SGCD: variants seen among roughly 807,000 people sequenced by gnomAD.
The protein encoded by SGCD is delta-sarcoglycan.
SGCD carries 18 observed loss-of-function variants against 36.6 expected under a neutral mutation model. That is an observed-to-expected ratio of 0.49 (90% CI 0.34 to 0.73). SGCD has a LOEUF of 0.73. Ranked by LOEUF, SGCD falls within the 30% of genes least tolerant of loss-of-function variation. The pLI is 0.01. For missense variants in SGCD, 387 were observed against 346.7 expected, an observed-to-expected ratio of 1.12 and a Z score of -0.92; for synonymous variants, 133 against 130.6, an observed-to-expected ratio of 1.02 and a Z score of -0.12.
the SGCD span, among the ~76,000 whole-genome samples, chr5:155,862,932 C>A: frequency 6.6e-6 from 1 of 152,174 alleles, no homozygotes; most frequent in Admixed American, 6.5e-5. Flanking sequence ...ACAAAGACTG[C>A]TTTAAACACT....
chr5:156,664,834 A>T (rs1764076485), intron 7 of SGCD, among the ~76,000 whole-genome samples: 1 of 137,322 alleles, frequency 7.3e-6, no homozygotes, highest in Middle Eastern at 3.3e-3. Flanking sequence ...ATCTTTTAGC[A>T]TTTTTATCGA....
chr5:156,335,812 T>C (rs897123988), intron 2 of SGCD, among the ~76,000 whole-genome samples: 6 of 152,188 alleles, frequency 3.9e-5, no homozygotes, highest in African/African-American at 7.2e-5. Flanking sequence ...TTAGCTCTGC[T>C]TTCCCACAAG....
chr5:155,920,920 A>C (rs1359867119), intron 1 of SGCD, among the ~76,000 whole-genome samples: 2 of 152,142 alleles, frequency 1.3e-5, no homozygotes, highest in African/African-American at 4.8e-5. Flanking sequence ...TCTAGGAGGC[A>C]TTTTACACTT....
chr5:156,649,562 G>A (rs1235158366), intron 7 of SGCD, among the ~76,000 whole-genome samples: 3 of 152,044 alleles, frequency 2.0e-5, no homozygotes. Flanking sequence ...TCCTTTGTAG[G>A]GACATGGATG....
At chr5:156,513,236 GT>G (rs1561746936) in intron 4 of SGCD, among the ~76,000 whole-genome samples, 1 of 152,186 alleles carries the variant, frequency 6.6e-6, no homozygotes, top group African/African-American at 2.4e-5. Context: ...AGAAACTGGG[GT>G]TCTGGTATTA....
At chr5:156,577,726 T>C (rs933117884) in intron 4 of SGCD, among the ~76,000 whole-genome samples, 2 of 152,226 alleles carry the variant, frequency 1.3e-5, no homozygotes, top group Non-Finnish European at 2.9e-5. Context: ...TTGTCTATTA[T>C]TGGTGTATAG....
intron 3 of SGCD, among the ~76,000 whole-genome samples, chr5:156,232,551 G>T (rs1269819701): frequency 6.6e-6 from 1 of 152,116 alleles, no homozygotes; most frequent in Admixed American, 6.5e-5. Flanking sequence ...GAAACTAATG[G>T]TAATAACCTG....
At chr5:156,735,324 C>T (rs1475031318) in intron 7 of SGCD, among the ~76,000 whole-genome samples, 1 of 152,038 alleles carries the variant, frequency 6.6e-6, no homozygotes, top group Non-Finnish European at 1.5e-5. Flanking sequence ...TCTCCAAAGC[C>T]CAAAGGCTGG....
At chr5:156,613,822 C>T (rs1227451272) in intron 6 of SGCD, among the ~76,000 whole-genome samples, 1 of 152,220 alleles carries the variant, frequency 6.6e-6, no homozygotes, top group African/African-American at 2.4e-5. Context: ...TAGTATTTTG[C>T]TGCAACATAA....
chr5:155,999,153 G>A (rs1431966004), intron 1 of SGCD, among the ~76,000 whole-genome samples: 6 of 152,190 alleles, frequency 3.9e-5, no homozygotes, highest in Non-Finnish European at 8.8e-5. Flanking sequence ...CCAACATCTG[G>A]GGTCCTGCCC....
chr5:155,950,047 T>G (rs948718569), intron 1 of SGCD, among the ~76,000 whole-genome samples: 5 of 152,170 alleles, frequency 3.3e-5, no homozygotes, highest in Non-Finnish European at 5.9e-5. Context: ...TTTTGAAAAT[T>G]TTTATTGCAA....
At chr5:156,028,028 C>T (rs955779124) in intron 1 of SGCD, among the ~76,000 whole-genome samples, 3 of 152,132 alleles carry the variant, frequency 2.0e-5, no homozygotes, top group Non-Finnish European at 4.4e-5. Flanking sequence ...CCTAAAGGTC[C>T]CACCTTACTT....
intron 6 of SGCD, among the ~76,000 whole-genome samples, chr5:156,599,696 A>T (rs1761087795): frequency 6.6e-6 from 1 of 152,230 alleles, no homozygotes; most frequent in Non-Finnish European, 1.5e-5. Context: ...GAAAAGATAT[A>T]GGAGGAATAA....
chr5:156,735,785 G>T (rs892846207), intron 7 of SGCD, among the ~76,000 whole-genome samples: 1 of 152,122 alleles, frequency 6.6e-6, no homozygotes, highest in African/African-American at 2.4e-5. Flanking sequence ...TATCTATGGT[G>T]GTCTAACCTC....
At chr5:156,570,792 T>C (rs553630933) in intron 4 of SGCD, among the ~76,000 whole-genome samples, 2 of 152,170 alleles carry the variant, frequency 1.3e-5, no homozygotes, top group Non-Finnish European at 2.9e-5. Context: ...GATCCTTTCC[T>C]TCCTCCCACC....
chr5:156,749,986 G>T lies in SGCD; in HGVS notation c.576-7595G>T, dbSNP rs1013591614. On this transcript the variant is annotated intron_variant, in intron 7 of 8. Coordinates refer to ENST00000337851, the MANE Select transcript of SGCD (RefSeq NM_000337.6). ...TACCAAAAAAAATGAAATATTTTCA[G>T]AAATATATAGAAAAGATAATACATA... Among the ~76,000 whole-genome samples the T allele has an allele frequency of 5.9e-5, 9 of 152,090 alleles. No homozygotes were observed. The South Asian group carries it at 1.9e-3, about 32-fold the overall frequency.
rs78735085 is a variant in SGCD, at chr5:156,016,991, T to A, written c.-281-100887T>A. Among the ~76,000 whole-genome samples, 1,381 of 152,264 alleles carry A rather than the reference T, an allele frequency of 9.1e-3. 11 individuals are homozygous for A. Among genetic ancestry groups the A allele is most frequent in the Non-Finnish European group, 0.014 (975 of 68,000 alleles). Reference sequence around the variant, plus strand: ...TACTCATGTGCATATTCTCTTCTGTTGGGGTTTTACCTTTGAGTTCCCACC... The same window carrying A: ...TACTCATGTGCATATTCTCTTCTGTAGGGGTTTTACCTTTGAGTTCCCACC... On this transcript the variant is annotated intron_variant, in intron 1 of 9. Coordinates refer to the SGCD transcript ENST00000517913.
intron 6 of SGCD, among the ~76,000 whole-genome samples, chr5:156,640,837 T>C (rs1196157783): frequency 1.3e-5 from 2 of 152,210 alleles, no homozygotes; most frequent in Non-Finnish European, 2.9e-5. Flanking sequence ...TGACTACAGA[T>C]GTTTTGCATT....
chr5:155,729,125 A>G, the SGCD span, among the ~76,000 whole-genome samples: 2 of 152,194 alleles, frequency 1.3e-5, no homozygotes. Flanking sequence ...GTTTCCTCCA[A>G]CTCGATTGCC....
Sources: allele counts gnomAD v4.1 joint callset (sites outside exome capture counted in the v4.1 genomes callset), GRCh38; gene constraint gnomAD v4.1.1; transcripts MANE v1.5; gene names NCBI Gene and HGNC (gene_info 2026-07-23, HGNC 2026-07-21).